Variants in MDFIC observed in about 807,000 individuals in gnomAD.
MDFIC encodes MyoD family inhibitor domain containing, also known as myoD family inhibitor domain-containing protein.
In MDFIC, 17 loss-of-function variants were observed where a neutral mutation model predicts 23.2. That is an observed-to-expected ratio of 0.73 (90% confidence interval 0.50 to 1.10). The LOEUF (loss-of-function observed/expected upper bound fraction) is 1.10. MDFIC is among the 50% of genes least tolerant of loss of function. The probability of loss-of-function intolerance (pLI) is 0.00; values close to 1 mark genes in which losing one functional copy is unlikely to be tolerated. For missense variants in MDFIC, 356 were observed against 316.6 expected, an observed-to-expected ratio of 1.12 and a Z score of -0.95; for synonymous variants, 120 against 115.2, an observed-to-expected ratio of 1.04 and a Z score of -0.27.
chr7:114,969,016 T>C (rs1793154545), intron 3 of MDFIC, among the ~76,000 whole-genome samples: 1 of 152,200 alleles, frequency 6.6e-6, no homozygotes, highest in South Asian at 2.1e-4. Flanking sequence ...TTTGCTTTTA[T>C]TACAAGGAGG....
intron 4 of MDFIC, among the ~76,000 whole-genome samples, chr7:115,003,320 C>A (rs1204545454): frequency 6.6e-6 from 1 of 152,162 alleles, no homozygotes; most frequent in Non-Finnish European, 1.5e-5. Flanking sequence ...AACTACCACG[C>A]AAACTCCAGA....
chr7:114,984,162 T>C (rs1475067130), intron 4 of MDFIC, among the ~76,000 whole-genome samples: 2 of 152,168 alleles, frequency 1.3e-5, no homozygotes, highest in South Asian at 2.1e-4. Context: ...AGGATGTTAA[T>C]GGTGTTACAG....
intron 3 of MDFIC, among the ~76,000 whole-genome samples, chr7:114,962,076 C>A (rs1328729294): frequency 6.6e-6 from 1 of 152,122 alleles, no homozygotes; most frequent in African/African-American, 2.4e-5. Context: ...TACATAGATT[C>A]TTTCCAGATT....
chr7:114,923,588 T>C (rs1234113815), intron 2 of MDFIC: 2 of 1,524,170 alleles, frequency 1.3e-6, no homozygotes, highest in African/African-American at 2.8e-5. Context: ...ACCAGTAGCT[T>C]TGGAATGGCT....
intron 2 of MDFIC, among the ~76,000 whole-genome samples, chr7:114,934,854 AT>A (rs919940479): frequency 5.1e-4 from 77 of 152,122 alleles, no homozygotes; most frequent in African/African-American, 1.8e-3. Context: ...TTTTTAATCC[AT>A]TTTAGAATGT....
chr7:114,945,447 A>G (rs1220532370), intron 3 of MDFIC, among the ~76,000 whole-genome samples: 2 of 152,162 alleles, frequency 1.3e-5, no homozygotes, highest in Admixed American at 6.5e-5. Flanking sequence ...CATGCTCTAC[A>G]CAGAAGTTTG....
intron 2 of MDFIC, among the ~76,000 whole-genome samples, chr7:114,936,847 C>A (rs901225194): frequency 7.2e-5 from 11 of 151,896 alleles, no homozygotes; most frequent in Non-Finnish European, 8.8e-5. Context: ...TATTTAAGTC[C>A]TTTGAAAACC....
At chr7:114,969,485 CTA>C (rs1485842765) in intron 3 of MDFIC, among the ~76,000 whole-genome samples, 1 of 152,082 alleles carries the variant, frequency 6.6e-6, no homozygotes, top group Non-Finnish European at 1.5e-5. Flanking sequence ...TGAAGGAACT[CTA>C]TATAATAATC....
intron 3 of MDFIC, among the ~76,000 whole-genome samples, chr7:114,962,280 C>T (rs903322581): frequency 1.4e-4 from 21 of 151,968 alleles, no homozygotes; most frequent in African/African-American, 3.4e-4. Context: ...GTGGCAGAAC[C>T]GGAGCTGCAA....
chr7:114,947,943 T>C (rs780950196), intron 3 of MDFIC, among the ~76,000 whole-genome samples: 11 of 152,280 alleles, frequency 7.2e-5, no homozygotes, highest in Admixed American at 3.3e-4. Flanking sequence ...CTAAGGTTTG[T>C]TTTGTTTTGT....
intron 4 of MDFIC, among the ~76,000 whole-genome samples, chr7:114,988,884 G>C (rs1156757129): frequency 6.6e-6 from 1 of 152,204 alleles, no homozygotes; most frequent in African/African-American, 2.4e-5. Context: ...AGATTTTAAA[G>C]TAGAGATTTC....
At chr7:114,981,858 C>T (rs2115972262) in intron 4 of MDFIC, among the ~76,000 whole-genome samples, 1 of 152,272 alleles carries the variant, frequency 6.6e-6, no homozygotes, top group South Asian at 2.1e-4. Flanking sequence ...TTCTGACTTT[C>T]AGTTTTGAAG....
chr7:114,982,661 T>G (rs1305271900), intron 4 of MDFIC, among the ~76,000 whole-genome samples: 8 of 152,160 alleles, frequency 5.3e-5, no homozygotes. Flanking sequence ...TGCCACTATA[T>G]TCCAGCCTGG....
intron 4 of MDFIC, among the ~76,000 whole-genome samples, chr7:115,015,478 T>C (rs1791776997): frequency 6.6e-6 from 1 of 152,222 alleles, no homozygotes. Context: ...CAATACTTTT[T>C]TTTTTTCGAA....
chr7:114,975,334 G>A (rs1251578792), intron 3 of MDFIC, among the ~76,000 whole-genome samples: 1 of 151,956 alleles, frequency 6.6e-6, no homozygotes, highest in Non-Finnish European at 1.5e-5. Flanking sequence ...CCTTTATAAC[G>A]CAGGCAGAAG....
At chr7:114,967,664 G>A (rs1473397839) in intron 3 of MDFIC, among the ~76,000 whole-genome samples, 1 of 151,954 alleles carries the variant, frequency 6.6e-6, no homozygotes, top group Non-Finnish European at 1.5e-5. Flanking sequence ...AATGGTGCCT[G>A]GCACCATAGT....
chr7:114,979,627 C>G lies in MDFIC; in HGVS notation c.339C>G (p.Ala113=). Reference sequence around the variant, plus strand: ...ATGGAAATGGAATTCACCACGGGGCCAAACACGGATCCGCAGATAATCGCA... The same window carrying G: ...ATGGAAATGGAATTCACCACGGGGCGAAACACGGATCCGCAGATAATCGCA... The part of the protein sequence containing the change: ...LSNGNGIHHG[A]KHGSADNRKL... The change falls in exon 4 of 5, where the codon GCC becomes GCG. Residue 113 remains alanine (A), a synonymous_variant. Transcript: ENST00000393486. 4 of 1,613,990 alleles carry G rather than the reference C, an allele frequency of 2.5e-6. No homozygotes were observed. The highest frequency in any genetic ancestry group is 3.4e-6 in the Non-Finnish European group (4 of 1,179,998).
At chr7:115,013,146 G>A (rs2116142540) in intron 4 of MDFIC, among the ~76,000 whole-genome samples, 1 of 152,274 alleles carries the variant, frequency 6.6e-6, no homozygotes, top group East Asian at 1.9e-4. Context: ...GCAATTTGCG[G>A]AGTATAGTTT....
intron 3 of MDFIC, among the ~76,000 whole-genome samples, chr7:114,964,338 A>T (rs138136806): frequency 8.5e-4 from 130 of 152,338 alleles, no homozygotes; most frequent in African/African-American, 3.0e-3. Flanking sequence ...ATATCTGGGA[A>T]GTACAGGGAA....
Sources: allele counts gnomAD v4.1 joint callset (sites outside exome capture counted in the v4.1 genomes callset), GRCh38; gene constraint gnomAD v4.1.1; transcripts MANE v1.5; gene names NCBI Gene and HGNC (gene_info 2026-07-23, HGNC 2026-07-21).